VPS13D: variants seen among roughly 807,000 people sequenced by gnomAD.
VPS13D encodes the protein vacuolar protein sorting 13 homolog D, also known as intermembrane lipid transfer protein VPS13D.
In VPS13D, 187 loss-of-function variants were observed where a neutral mutation model predicts 461.9. The ratio of observed to expected loss-of-function variants is 0.40; its 90% CI spans 0.36 to 0.46. VPS13D has a LOEUF of 0.46. Among genes scored for constraint, VPS13D ranks in the 20% least tolerant of loss-of-function variants. VPS13D has a pLI of 0.60. For missense variants in VPS13D, 4,711 were observed against 5,364.9 expected (o/e 0.88, Z 3.81); for synonymous variants, 1,951 against 1,986.3 (o/e 0.98, Z 0.47).
chr1:12,363,009 TCAGTAA>T lies in VPS13D; in HGVS notation c.10273-60_10273-55del. ...AGAGGGTAAGGCTCAGAGTAGGTACTCAGTAACACTTATTGTCATGAATCGACTTGT... is the reference window on the plus strand; with the variant it reads ...AGAGGGTAAGGCTCAGAGTAGGTACTCACTTATTGTCATGAATCGACTTGT... On this transcript the variant is annotated intron_variant, in intron 51 of 69. Coordinates refer to ENST00000620676, the MANE Select transcript of VPS13D (RefSeq NM_015378.4). 8 of 1,594,962 alleles carry T rather than the reference TCAGTAA, an allele frequency of 5.0e-6. No individual in the cohort carries two copies. The South Asian group carries it at 8.0e-5, about 16-fold the overall frequency.
At chr1:12,395,396 T>C (rs1644481785) in intron 60 of VPS13D, among the ~76,000 whole-genome samples, 1 of 152,216 alleles carries the variant, frequency 6.6e-6, no homozygotes, top group Non-Finnish European at 1.5e-5. Context: ...GCCCTCACTT[T>C]AACAGCAGAC....
chr1:12,485,706 T>C (rs1213847258), intron 67 of VPS13D, among the ~76,000 whole-genome samples: 2 of 152,160 alleles, frequency 1.3e-5, no homozygotes, highest in Non-Finnish European at 2.9e-5. Context: ...AAAAATCCAG[T>C]AGTGTGGAAT....
intron 67 of VPS13D, among the ~76,000 whole-genome samples, chr1:12,483,377 G>A (rs918790673): frequency 6.6e-6 from 1 of 152,124 alleles, no homozygotes; most frequent in Non-Finnish European, 1.5e-5. Flanking sequence ...ACATCTTTTC[G>A]TGTTTCAGTT....
intron 60 of VPS13D, among the ~76,000 whole-genome samples, chr1:12,387,642 TTC>T (rs1644366745): frequency 6.6e-6 from 1 of 152,236 alleles, no homozygotes; most frequent in Non-Finnish European, 1.5e-5. Context: ...TGTAACTGTA[TTC>T]TCTGTGTTCA....
chr1:12,420,253 G>A lies in VPS13D; in HGVS notation c.12333+3426G>A, dbSNP rs181446437. On this transcript the variant is annotated intron_variant, in intron 65 of 69. Coordinates refer to ENST00000620676, the MANE Select transcript of VPS13D (RefSeq NM_015378.4). ...TTGGACTAAAGATGTGCATTTTCTT[G>A]TAGTTTTGTGGGTTGAAATCAACGT... 1.1e-4 allele frequency among the ~76,000 whole-genome samples: 17 copies of A among 152,330 alleles called. No individual in the cohort carries two copies. In the East Asian group the frequency reaches 3.3e-3, roughly 29 times the overall value.
chr1:12,238,261 C>T (rs1192957647), intron 2 of VPS13D, among the ~76,000 whole-genome samples: 1 of 124,132 alleles, frequency 8.1e-6, no homozygotes, highest in Non-Finnish European at 1.6e-5. Flanking sequence ...TACTTGTAAT[C>T]CCCCAAAATA....
intron 27 of VPS13D, among the ~76,000 whole-genome samples, chr1:12,310,262 T>C (rs2101492688): frequency 2.0e-5 from 3 of 152,334 alleles, no homozygotes; most frequent in Middle Eastern, 6.8e-3. Context: ...AGATGGCACT[T>C]GGTCAGCCGT....
chr1:12,457,371 A>G (rs1315088088), intron 66 of VPS13D, among the ~76,000 whole-genome samples: 1 of 152,082 alleles, frequency 6.6e-6, no homozygotes, highest in Non-Finnish European at 1.5e-5. Context: ...TCCCAGCTCT[A>G]TTGTCCCTGT....
chr1:12,474,496 A>G (rs1156587375), intron 67 of VPS13D, among the ~76,000 whole-genome samples: 1 of 152,148 alleles, frequency 6.6e-6, no homozygotes, highest in East Asian at 1.9e-4. Flanking sequence ...TCTGTTAAAA[A>G]AAAAAAAGTT....
In VPS13D at chr1:12,311,794, G is replaced by A. The variant is rs1160935481; in HGVS notation, c.6823-19G>A. 2.5e-6 allele frequency: 4 copies of A among 1,607,106 alleles called. No individual in the cohort carries two copies. Among genetic ancestry groups the A allele is most frequent in the Admixed American group, 1.7e-5 (1 of 59,112 alleles). On this transcript the variant is annotated intron_variant, in intron 28 of 69. Transcript: ENST00000620676. Reference sequence around the variant, plus strand: ...ATGGCATCATCAGCTGTGGATTGACGAGCATTTTCCTTTTGTAGACTGTCC... The same window carrying A: ...ATGGCATCATCAGCTGTGGATTGACAAGCATTTTCCTTTTGTAGACTGTCC...
chr1:12,480,273 C>T (rs1018013840), intron 67 of VPS13D, among the ~76,000 whole-genome samples: 4 of 152,232 alleles, frequency 2.6e-5, no homozygotes, highest in African/African-American at 9.6e-5. Context: ...CTGGGAACTC[C>T]AGCTGGTACA....
intron 64 of VPS13D, among the ~76,000 whole-genome samples, chr1:12,415,431 A>T (rs1265978136): frequency 6.6e-6 from 1 of 152,154 alleles, no homozygotes; most frequent in African/African-American, 2.4e-5. Context: ...TGTTAGTTTC[A>T]TCCCTCAGAG....
Position 12,273,099 on chromosome 1 carries a change from G to A in VPS13D, c.2200G>A (p.Val734Met), listed in dbSNP as rs766208476. 6.8e-6 allele frequency: 11 copies of A among 1,614,090 alleles called. No individual in the cohort carries two copies. Among genetic ancestry groups the A allele is most frequent in the South Asian group, 3.3e-5 (3 of 91,074 alleles). ...FKFKNPVLVV[V>M]DLGRMLLTNT... is the part of the protein sequence containing the mutation. ...ATTCAAGAATCCTGTGTTAGTTGTC[G>A]TGGATCTAGGAAGAATGCTTTTGAC... Residue 734 changes from valine (V) to methionine (M), a missense_variant, in exon 18 of 70, where the codon GTG becomes ATG. Physicochemically the swap from Val to Met is conservative, Grantham distance 21. This residue lies in a region of VPS13D where 4,411 missense variants were observed against 4,937.8 expected (regional missense o/e 0.89). Transcript: ENST00000620676.
intron 52 of VPS13D, among the ~76,000 whole-genome samples, chr1:12,366,142 C>T (rs1644031493): frequency 6.6e-6 from 1 of 152,074 alleles, no homozygotes; most frequent in African/African-American, 2.4e-5. Context: ...CTTCTGGTCT[C>T]AAGTGATCCT....
At position 12,299,306 on chromosome 1, in the gene VPS13D, A is replaced by T. The variant is rs1314776612; in HGVS notation, c.6138A>T (p.Val2046=). The T allele has an allele frequency of 3.7e-6, 6 of 1,613,944 alleles. No homozygotes were observed. The highest frequency in any genetic ancestry group is 8.5e-7 in the Non-Finnish European group (1 of 1,179,974). ...PESSRSNNLI[V]ANLGKLKVKN... is the part of the protein sequence containing the mutation. ...GTTCCAGATCAAATAATCTGATTGT[A>T]GCAAATTTGGGGAAGTTGAAAGTCA... The change falls in exon 25 of 70, where the codon GTA becomes GTT. Residue 2046 remains valine, a synonymous_variant. Transcript: ENST00000620676. This position sits in a 1 kb window ranked among gnomAD's most constrained non-coding sequence, Gnocchi z 4.2.
chr1:12,362,892 A>G, intron 51 of VPS13D, 42 bp downstream of exon 51: 1 of 1,612,634 alleles, frequency 6.2e-7, no homozygotes, highest in Non-Finnish European at 8.5e-7. Flanking sequence ...CCTATTTAAT[A>G]GCACGAGTTT....
chr1:12,477,698 A>G (rs1232302396), intron 67 of VPS13D, among the ~76,000 whole-genome samples: 1 of 152,188 alleles, frequency 6.6e-6, no homozygotes, highest in Non-Finnish European at 1.5e-5. Context: ...CCATAAGACT[A>G]AATCCCCTAT....
Position 12,234,352 on chromosome 1 carries a change from C to T in VPS13D, c.86C>T (p.Ala29Val), listed in dbSNP as rs778930250. The T allele has an allele frequency of 1.2e-6, 2 of 1,613,766 alleles. No homozygotes were observed. Among genetic ancestry groups the T allele is most frequent in the East Asian group, 2.2e-5 (1 of 44,842 alleles). The change falls in exon 2 of 70, where the codon GCA becomes GTA. Residue 29 changes from alanine (A) to valine (V), a missense_variant. Ala to Val is a moderately conservative substitution (Grantham distance 64). Around this residue, in one of 3 missense-constraint regions of VPS13D, gnomAD observed 4,411 missense variants for 4,937.8 expected, o/e 0.89. Coordinates refer to ENST00000620676, the MANE Select transcript of VPS13D (RefSeq NM_015378.4). ...CTGAACACTGACCAGCTCTCAGTTGCACTTCTCAAAGGTGAGTATTTCTCT... is the reference window on the plus strand; with the variant it reads ...CTGAACACTGACCAGCTCTCAGTTGTACTTCTCAAAGGTGAGTATTTCTCT... ...NNLNTDQLSVALLKGAVELEN... is the reference protein window; with the variant it reads ...NNLNTDQLSVVLLKGAVELEN...
intron 32 of VPS13D, 71 bp downstream of exon 32, chr1:12,319,701 C>T: frequency 6.2e-7 from 1 of 1,600,808 alleles, no homozygotes; most frequent in Non-Finnish European, 8.5e-7. Context: ...AGAGAATTTT[C>T]CCTCTTAAAC....
Sources: allele counts gnomAD v4.1 joint callset (sites outside exome capture counted in the v4.1 genomes callset), GRCh38; gene constraint gnomAD v4.1.1; regional missense constraint gnomAD v4.1.1; non-coding constraint Gnocchi (gnomAD v3.1); transcripts MANE v1.5; gene names NCBI Gene and HGNC (gene_info 2026-07-23, HGNC 2026-07-21).